Variants in GSE1 observed in about 807,000 individuals in gnomAD.
GSE1 encodes the protein Gse1 coiled-coil protein.
Under a neutral mutation model 112.6 loss-of-function variants are expected in GSE1, and 32 were observed. The ratio of observed to expected loss-of-function variants is 0.28; its 90% CI spans 0.21 to 0.38. The LOEUF (loss-of-function observed/expected upper bound fraction) is 0.38. GSE1 is among the 10% of genes least tolerant of loss of function. The pLI is 1.00. For missense variants in GSE1, 2,348 were observed against 1,699.2 expected, an observed-to-expected ratio of 1.38 and a Z score of -6.71; for synonymous variants, 1,115 against 735.6, an observed-to-expected ratio of 1.52 and a Z score of -8.35.
intron 10 of GSE1, 70 bp from the exon 11 acceptor site, chr16:85,663,274 G>A: frequency 1.3e-6 from 2 of 1,542,334 alleles, no homozygotes; most frequent in Non-Finnish European, 1.8e-6. Context: ...CCCCAGGAGG[G>A]GACCCCGGGA....
At chr16:85,669,405 T>C (rs2053145529) in intron 14 of GSE1, among the ~76,000 whole-genome samples, 1 of 152,210 alleles carries the variant, frequency 6.6e-6, no homozygotes, top group Non-Finnish European at 1.5e-5. Context: ...GTTTTTTTCT[T>C]TTTTCTCCTG....
intron 2 of GSE1, among the ~76,000 whole-genome samples, chr16:85,497,638 G>A (rs1453922869): frequency 2.0e-5 from 3 of 152,200 alleles, no homozygotes; most frequent in African/African-American, 4.8e-5. Flanking sequence ...ATGGTGTGGC[G>A]TGAACTTACA....
intron 1 of GSE1, among the ~76,000 whole-genome samples, chr16:85,320,575 G>A (rs1000512314): frequency 1.9e-4 from 29 of 152,130 alleles, no homozygotes; most frequent in African/African-American, 5.8e-4. Context: ...GATTATAAGC[G>A]TGAGCCACCA....
intron 1 of GSE1, among the ~76,000 whole-genome samples, chr16:85,586,253 C>T (rs1465832771): frequency 6.6e-6 from 1 of 152,240 alleles, no homozygotes; most frequent in African/African-American, 2.4e-5. Context: ...CAGATGAGGG[C>T]ACATTTTGTG....
At chr16:85,433,446 C>T (rs186456177) in intron 2 of GSE1, among the ~76,000 whole-genome samples, 37 of 152,224 alleles carry the variant, frequency 2.4e-4, no homozygotes, top group African/African-American at 8.2e-4. Context: ...CACCACTGGC[C>T]GTGATCCCTG....
At chr16:85,413,061 C>T (rs1243113958) in intron 2 of GSE1, among the ~76,000 whole-genome samples, 3 of 152,190 alleles carry the variant, frequency 2.0e-5, no homozygotes, top group Admixed American at 6.5e-5. Context: ...CTGGAGGGGC[C>T]GCCCCACGGA....
chr16:85,226,043 G>A (rs573624946), intron 1 of GSE1, among the ~76,000 whole-genome samples: 7 of 152,156 alleles, frequency 4.6e-5, no homozygotes, highest in African/African-American at 7.2e-5. Context: ...ACATTAGGGC[G>A]CTGGTTTCCC....
At chr16:85,550,654 G>A (rs1567579778) in intron 2 of GSE1, among the ~76,000 whole-genome samples, 1 of 152,180 alleles carries the variant, frequency 6.6e-6, no homozygotes, top group Non-Finnish European at 1.5e-5. Flanking sequence ...CCCGCCGCCT[G>A]CACTCCAGAC....
At chr16:85,191,126 G>A (rs1229457833) in intron 1 of GSE1, among the ~76,000 whole-genome samples, 2 of 152,130 alleles carry the variant, frequency 1.3e-5, no homozygotes, top group African/African-American at 4.8e-5. Context: ...TGGGCGTGGT[G>A]TTGTGTGCCT....
intron 2 of GSE1, among the ~76,000 whole-genome samples, chr16:85,470,488 A>T (rs765166390): frequency 2.0e-5 from 3 of 152,150 alleles, no homozygotes; most frequent in Admixed American, 6.5e-5. Flanking sequence ...CGGCCACTGC[A>T]CCTGGGATGC....
At chr16:85,181,602 G>A (rs995024398) in intron 1 of GSE1, among the ~76,000 whole-genome samples, 1 of 152,236 alleles carries the variant, frequency 6.6e-6, no homozygotes, top group African/African-American at 2.4e-5. Flanking sequence ...CTGCTGCGGC[G>A]TTTTATTCAC....
In GSE1 at chr16:85,354,920, A is replaced by G. The variant is rs61341970; in HGVS notation, c.2284-2543A>G. Among the ~76,000 whole-genome samples, 832 of 152,332 alleles carry G rather than the reference A, an allele frequency of 5.5e-3. 12 individuals are homozygous for G. The highest frequency in any genetic ancestry group is 0.019 in the African/African-American group (786 of 41,578). On this transcript the variant is annotated intron_variant, in intron 1 of 2. Coordinates refer to the GSE1 transcript ENST00000637419. Reference sequence around the variant, plus strand: ...ACCACCTTGGTACAGGCCCCAGGGTACCTGCCGTCCTGATGGGCTTACCCT... The same window carrying G: ...ACCACCTTGGTACAGGCCCCAGGGTGCCTGCCGTCCTGATGGGCTTACCCT...
chr16:85,298,023 C>G (rs558388682), intron 1 of GSE1, among the ~76,000 whole-genome samples: 1 of 152,216 alleles, frequency 6.6e-6, no homozygotes, highest in African/African-American at 2.4e-5. Context: ...ACAGTTGGAA[C>G]AGATCACTGA....
At chr16:85,644,482 C>T (rs1297352515) in intron 2 of GSE1, among the ~76,000 whole-genome samples, 1 of 152,156 alleles carries the variant, frequency 6.6e-6, no homozygotes, top group African/African-American at 2.4e-5. Context: ...TGTCACTTAG[C>T]CGCGGGAAGG....
rs532196094 is a variant in GSE1, at chr16:85,188,118, C to T, written c.2283+16311C>T. On this transcript the variant is annotated intron_variant, in intron 1 of 2. Coordinates refer to the GSE1 transcript ENST00000637419. ...GAGGCAGGTGTGGGATGGAAACCTG[C>T]GAGTGGCTGGAGGGTACCTGGGATC... Among the ~76,000 whole-genome samples, 8 of 152,292 alleles carry T rather than the reference C, an allele frequency of 5.3e-5. No homozygotes were observed. In the South Asian group the frequency reaches 8.3e-4, roughly 16 times the overall value.
chr16:85,666,419 G>T, intron 13 of GSE1, 72 bp downstream of exon 13: 2 of 1,507,702 alleles, frequency 1.3e-6, no homozygotes, highest in East Asian at 2.3e-5. Flanking sequence ...GAGCGCCACA[G>T]CTGCTCAGCC....
intron 1 of GSE1, among the ~76,000 whole-genome samples, chr16:85,322,020 C>A (rs1241969035): frequency 2.0e-5 from 3 of 152,246 alleles, no homozygotes; most frequent in Non-Finnish European, 4.4e-5. Flanking sequence ...TCCTCCCTGC[C>A]TGGGCAGTGA....
At chr16:85,500,591 A>C (rs939240095) in intron 2 of GSE1, among the ~76,000 whole-genome samples, 1 of 152,206 alleles carries the variant, frequency 6.6e-6, no homozygotes, top group Non-Finnish European at 1.5e-5. Flanking sequence ...CACGCTGCAG[A>C]GGGCACCCGA....
intron 1 of GSE1, among the ~76,000 whole-genome samples, chr16:85,240,598 G>T (rs774922172): frequency 2.0e-5 from 3 of 152,204 alleles, no homozygotes; most frequent in African/African-American, 7.2e-5. Context: ...GGTAGTTCCC[G>T]CTGCTAGGGG....
Sources: gnomAD v4.1 joint callset for allele counts (sites outside exome capture counted in the v4.1 genomes callset) on GRCh38, gnomAD v4.1.1 for gene constraint, MANE v1.5 for transcripts, NCBI Gene and HGNC (gene_info 2026-07-23, HGNC 2026-07-21) for gene names.